Variants in MTAP observed in about 807,000 individuals in gnomAD.
MTAP encodes S-methyl-5'-thioadenosine phosphorylase.
MTAP carries 33 observed loss-of-function variants against 33.6 expected under a neutral mutation model. The ratio of observed to expected loss-of-function variants is 0.98; its 90% CI spans 0.74 to 1.31. MTAP has a LOEUF of 1.31. MTAP is among the 40% of genes most tolerant of loss of function. MTAP has a pLI of 0.00. For synonymous variants in MTAP, 148 were observed against 125.7 expected, an observed-to-expected ratio of 1.18 and a Z score of -1.19; for missense variants, 367 against 360.0, an observed-to-expected ratio of 1.02 and a Z score of -0.16.
intron 1 of MTAP, among the ~76,000 whole-genome samples, chr9:21,809,634 G>A (rs1465699533): frequency 3.7e-5 from 5 of 135,966 alleles, no homozygotes; most frequent in African/African-American, 1.7e-4. Flanking sequence ...GTGAGACTCC[G>A]TCTCAAAAAA....
chr9:21,925,831 A>G (rs1443556554), intron 1 of MTAP, among the ~76,000 whole-genome samples: 2 of 152,192 alleles, frequency 1.3e-5, no homozygotes, highest in Admixed American at 6.5e-5. Context: ...AGGTAGGACT[A>G]TAAGTTTTCT....
chr9:21,871,585 A>G (rs1219026805), downstream of MTAP, among the ~76,000 whole-genome samples: 2 of 152,190 alleles, frequency 1.3e-5, no homozygotes, highest in African/African-American at 2.4e-5. Flanking sequence ...TTCATATAAG[A>G]GATACTGTGT....
downstream of MTAP, among the ~76,000 whole-genome samples, chr9:21,938,124 A>C (rs896346567): frequency 6.6e-6 from 1 of 152,044 alleles, no homozygotes; most frequent in Non-Finnish European, 1.5e-5. Flanking sequence ...AATACAAAAA[A>C]TTATCTGGGC....
At position 21,838,030 on chromosome 9, in the gene MTAP, G is replaced by T; in HGVS notation, c.450+20G>T. On this transcript the variant is annotated intron_variant, in intron 5 of 7. Transcript: ENST00000644715. ...AGAGAGGTGTGTAGTCTTTCTGGAA[G>T]GTGTACCAGAATAAATCATGTGGGC... 2 of 1,594,994 alleles carry T rather than the reference G, an allele frequency of 1.3e-6. No individual in the cohort carries two copies. The highest frequency in any genetic ancestry group is 1.7e-6 in the Non-Finnish European group (2 of 1,163,056).
At chr9:21,877,744 G>T (rs1195970216) in intron 1 of MTAP, among the ~76,000 whole-genome samples, 1 of 152,122 alleles carries the variant, frequency 6.6e-6, no homozygotes, top group Non-Finnish European at 1.5e-5. Flanking sequence ...TTGAAGTGCT[G>T]TTGGATTCGA....
At position 21,823,703 on chromosome 9, in the gene MTAP, C is replaced by G. The variant is rs202158630; in HGVS notation, c.347+5501C>G. On this transcript the variant is annotated intron_variant, in intron 4 of 7. Coordinates refer to ENST00000644715, the MANE Select transcript of MTAP (RefSeq NM_002451.4). ...GTTCTCCTGGATAATATCCTGCAGA[C>G]TGTTTTCCAACTTGGTTCCATTCTC... Among the ~76,000 whole-genome samples, 7 of 152,278 alleles carry G rather than the reference C, an allele frequency of 4.6e-5. No individual in the cohort carries two copies. In the East Asian group the frequency reaches 5.8e-4, roughly 13 times the overall value.
intron 4 of MTAP, among the ~76,000 whole-genome samples, chr9:21,820,068 A>G (rs1587208449): frequency 1.3e-5 from 2 of 152,162 alleles, no homozygotes; most frequent in Non-Finnish European, 2.9e-5. Context: ...GTAGGTTGCA[A>G]AAATTTTCTC....
Position 21,808,571 on chromosome 9 carries a change from G to A in MTAP, c.33+5790G>A, listed in dbSNP as rs115659750. On this transcript the variant is annotated intron_variant, in intron 1 of 7. Coordinates refer to ENST00000644715, the MANE Select transcript of MTAP (RefSeq NM_002451.4). ...ACCACTGCACTCCAGCAGCCTGGGT[G>A]ACAAAGTGAGACTCTGTTTCCAAAA... Among the ~76,000 whole-genome samples, 751 of 142,240 alleles carry A rather than the reference G, an allele frequency of 5.3e-3. 6 individuals are homozygous for A. Among genetic ancestry groups the A allele is most frequent in the African/African-American group, 0.019 (712 of 36,952 alleles). The allele number at this position is 142,240 out of a possible 152,430, so 93.3% of individuals were successfully genotyped here. A position where few individuals can be genotyped will look rare whatever the true frequency, so the allele number is the denominator to read the frequency against.
At chr9:21,844,678 A>T (rs1346076225) in intron 5 of MTAP, among the ~76,000 whole-genome samples, 4 of 152,188 alleles carry the variant, frequency 2.6e-5, no homozygotes, top group Non-Finnish European at 4.4e-5. Flanking sequence ...ACAATCCTCC[A>T]TCTAGTTATA....
downstream of MTAP, among the ~76,000 whole-genome samples, chr9:21,869,089 AC>A (rs1825897360): frequency 6.6e-6 from 1 of 152,136 alleles, no homozygotes; most frequent in Non-Finnish European, 1.5e-5. Flanking sequence ...TTATTGAATC[AC>A]TTTTTCAGCA....
intron 1 of MTAP, among the ~76,000 whole-genome samples, chr9:21,916,022 T>C (rs1186865929): frequency 7.4e-6 from 1 of 135,292 alleles, no homozygotes; most frequent in East Asian, 2.2e-4. Flanking sequence ...AAGGCACGAC[T>C]GTGTTTCGAA....
chr9:21,840,617 G>A (rs1825219786), intron 5 of MTAP, among the ~76,000 whole-genome samples: 1 of 152,206 alleles, frequency 6.6e-6, no homozygotes, highest in Admixed American at 6.5e-5. Flanking sequence ...CTTGAGTCCA[G>A]GGAAGCCAGC....
chr9:21,856,003 A>G (rs919495691), intron 6 of MTAP: 20 of 202,160 alleles, frequency 9.9e-5, no homozygotes, highest in African/African-American at 4.7e-4. Context: ...AATTTGATCA[A>G]ATCAGAATCC....
chr9:21,820,968 T>A (rs890269430), intron 4 of MTAP, among the ~76,000 whole-genome samples: 1 of 152,262 alleles, frequency 6.6e-6, no homozygotes, highest in Non-Finnish European at 1.5e-5. Context: ...TTTTTGCACA[T>A]TGATTTTGTG....
chr9:21,829,493 T>C (rs1235986371), intron 4 of MTAP, among the ~76,000 whole-genome samples: 1 of 151,942 alleles, frequency 6.6e-6, no homozygotes, highest in Non-Finnish European at 1.5e-5. Context: ...TAATGCAATC[T>C]CGGCTCACTG....
intron 1 of MTAP, among the ~76,000 whole-genome samples, chr9:21,904,867 C>T (rs575923823): frequency 6.6e-6 from 1 of 152,316 alleles, no homozygotes; most frequent in Admixed American, 6.5e-5. Context: ...TTTACCTACT[C>T]ATTATTCCTT....
chr9:21,926,399 G>A (rs1219587396), intron 1 of MTAP, among the ~76,000 whole-genome samples: 1 of 152,180 alleles, frequency 6.6e-6, no homozygotes, highest in South Asian at 2.1e-4. Context: ...AATCATAAAT[G>A]AGGCAGTAGT....
At chr9:21,806,157 T>C (rs1824202504) in intron 1 of MTAP, among the ~76,000 whole-genome samples, 1 of 152,148 alleles carries the variant, frequency 6.6e-6, no homozygotes. Context: ...GTATACAGAA[T>C]AGCCTGTGGG....
At chr9:21,826,988 C>T (rs1226211326) in intron 4 of MTAP, among the ~76,000 whole-genome samples, 1 of 152,092 alleles carries the variant, frequency 6.6e-6, no homozygotes, top group Non-Finnish European at 1.5e-5. Flanking sequence ...CTAACTAATG[C>T]CTGATGATCT....
Sources: gnomAD v4.1 joint callset for allele counts (sites outside exome capture counted in the v4.1 genomes callset) on GRCh38, gnomAD v4.1.1 for gene constraint, MANE v1.5 for transcripts, NCBI Gene and HGNC (gene_info 2026-07-23, HGNC 2026-07-21) for gene names.